The following XPR1 variants were observed in gnomAD, a reference collection of about 807,000 sequenced individuals.
The protein encoded by XPR1 is xenotropic and polytropic retrovirus receptor 1.
XPR1 carries 28 observed loss-of-function variants against 87.5 expected under a neutral mutation model. The observed-to-expected ratio is 0.32, with a 90% CI of 0.24 to 0.44. The LOEUF is 0.44. XPR1 is among the 20% of genes least tolerant of loss of function. The pLI, the probability that XPR1 is intolerant of heterozygous loss-of-function variation, is 1.00. For synonymous variants in XPR1, 300 were observed against 306.1 expected, an observed-to-expected ratio of 0.98 and a Z score of 0.21; for missense variants, 559 against 862.3, an observed-to-expected ratio of 0.65 and a Z score of 4.41.
At chr1:180,812,475 A>C (rs1171486845) in intron 7 of XPR1, among the ~76,000 whole-genome samples, 1 of 152,198 alleles carries the variant, frequency 6.6e-6, no homozygotes, top group South Asian at 2.1e-4. Context: ...ATGCTCTTCT[A>C]TCTGGCATCA....
chr1:180,866,714 C>T (rs548232164), intron 12 of XPR1, among the ~76,000 whole-genome samples: 40 of 151,938 alleles, frequency 2.6e-4, no homozygotes, highest in African/African-American at 9.4e-4. Context: ...TAATAATCCT[C>T]ATTAAATTTA....
intron 1 of XPR1, among the ~76,000 whole-genome samples, chr1:180,652,228 G>A (rs1655319699): frequency 6.6e-6 from 1 of 152,086 alleles, no homozygotes; most frequent in Non-Finnish European, 1.5e-5. Context: ...GGAGGCGGAG[G>A]TTGCAGTGAG....
chr1:180,650,299 G>A (rs1005106314), intron 1 of XPR1, among the ~76,000 whole-genome samples: 3 of 151,964 alleles, frequency 2.0e-5, no homozygotes, highest in South Asian at 4.2e-4. Flanking sequence ...GCAGTGGCAC[G>A]ATCATAGCTT....
At chr1:180,833,777 C>A (rs756207886) in intron 9 of XPR1, among the ~76,000 whole-genome samples, 13 of 152,148 alleles carry the variant, frequency 8.5e-5, no homozygotes, top group Non-Finnish European at 1.6e-4. Flanking sequence ...TAAAATATTT[C>A]TCTCCAAATC....
intron 2 of XPR1, among the ~76,000 whole-genome samples, chr1:180,787,539 G>A (rs1208010320): frequency 2.0e-5 from 3 of 152,038 alleles, no homozygotes; most frequent in African/African-American, 4.8e-5. Flanking sequence ...TCGGCCTCCC[G>A]AAGTACTGGG....
intron 2 of XPR1, among the ~76,000 whole-genome samples, chr1:180,706,673 A>T (rs1027377897): frequency 6.6e-6 from 1 of 151,712 alleles, no homozygotes; most frequent in Admixed American, 6.6e-5. Flanking sequence ...GTGCAGTGGC[A>T]TGATCTCTGC....
chr1:180,847,004 G>A (rs1031337251), intron 11 of XPR1, among the ~76,000 whole-genome samples: 13 of 152,132 alleles, frequency 8.5e-5, no homozygotes, highest in South Asian at 4.1e-4. Context: ...AGTTGCTTCT[G>A]AATAATACCC....
chr1:180,806,653 A>G lies in XPR1; in HGVS notation c.681+96A>G. The G allele has an allele frequency of 3.7e-6, 4 of 1,078,804 alleles. No individual in the cohort carries two copies. In the South Asian group the frequency reaches 5.4e-5, roughly 15 times the overall value. 66.8% of individuals were successfully genotyped at this position (1,078,804 alleles called of 1,614,324 possible). ...CATTATCTTAAAAAAATTTTCAGCC[A>G]AAGTTTATAAGTAGTTGCTATTTTT... On this transcript the variant is annotated intron_variant, in intron 6 of 14. Coordinates refer to ENST00000367590, the MANE Select transcript of XPR1 (RefSeq NM_004736.4).
At chr1:180,691,457 A>T (rs1223156177) in intron 2 of XPR1, among the ~76,000 whole-genome samples, 3 of 152,180 alleles carry the variant, frequency 2.0e-5, no homozygotes, top group African/African-American at 7.2e-5. Context: ...TGGAGAGTGT[A>T]CATAGCTAAT....
At chr1:180,720,284 A>G (rs1658138072) in intron 2 of XPR1, among the ~76,000 whole-genome samples, 1 of 152,204 alleles carries the variant, frequency 6.6e-6, no homozygotes, top group Non-Finnish European at 1.5e-5. Flanking sequence ...TGGCAAATGT[A>G]ATAATATATT....
chr1:180,888,818 G>A lies in XPR1; in HGVS notation c.*4752G>A, dbSNP rs1653097806. 2 of 152,194 alleles carry A rather than the reference G, an allele frequency of 1.3e-5. No individual in the cohort carries two copies. Among genetic ancestry groups the A allele is most frequent in the East Asian group, 3.9e-4 (2 of 5,194 alleles). 9.4% of individuals were successfully genotyped at this position (152,194 alleles called of 1,614,324 possible). On this transcript the variant is annotated 3_prime_UTR_variant, in exon 15 of 15. Transcript: ENST00000367590. ...ACAATGTTAGAGCACATGGTAATGT[G>A]GGACAGAGTTGATTATATGATAGCA...
chr1:180,845,896 T>A (rs1651664760), intron 11 of XPR1, among the ~76,000 whole-genome samples: 2 of 152,212 alleles, frequency 1.3e-5, no homozygotes, highest in African/African-American at 2.4e-5. Flanking sequence ...ATTAATGTTG[T>A]TTCAAGTGAT....
intron 9 of XPR1, among the ~76,000 whole-genome samples, chr1:180,827,301 T>C (rs534386887): frequency 6.6e-6 from 1 of 152,276 alleles, no homozygotes; most frequent in South Asian, 2.1e-4. Context: ...TAAAATTATT[T>C]TTAAATGAGA....
intron 9 of XPR1, among the ~76,000 whole-genome samples, chr1:180,827,562 A>G (rs960737041): frequency 3.3e-5 from 5 of 152,188 alleles, no homozygotes; most frequent in Non-Finnish European, 5.9e-5. Context: ...TAGGTTGACA[A>G]TGGTATAAGC....
chr1:180,877,181 G>A (rs758095542), intron 13 of XPR1, among the ~76,000 whole-genome samples: 9 of 152,138 alleles, frequency 5.9e-5, no homozygotes, highest in Non-Finnish European at 8.8e-5. Flanking sequence ...CGACAAGCCA[G>A]TTCTGTAATT....
At chr1:180,736,183 G>T (rs1217446961) in intron 2 of XPR1, among the ~76,000 whole-genome samples, 3 of 152,176 alleles carry the variant, frequency 2.0e-5, no homozygotes, top group African/African-American at 7.2e-5. Context: ...GATACTTGAA[G>T]GTTGAATTAA....
intron 11 of XPR1, among the ~76,000 whole-genome samples, chr1:180,863,028 C>A (rs953373343): frequency 1.3e-5 from 2 of 152,060 alleles, no homozygotes; most frequent in Non-Finnish European, 2.9e-5. Flanking sequence ...TAAGTATTTT[C>A]AGCATAAAGC....
chr1:180,755,758 T>G (rs1647713533), intron 2 of XPR1, among the ~76,000 whole-genome samples: 1 of 152,174 alleles, frequency 6.6e-6, no homozygotes, highest in Admixed American at 6.5e-5. Context: ...CTGATGAAGG[T>G]TTGTAGTTTT....
At chr1:180,704,814 G>T (rs74135809) in intron 2 of XPR1, among the ~76,000 whole-genome samples, 1,809 of 52,196 alleles carry the variant, frequency 0.035, 95 homozygotes, top group African/African-American at 0.11. Context: ...ACTGTTGGTT[G>T]TTTTTTTTTT....
Sources: gnomAD v4.1 joint callset for allele counts (sites outside exome capture counted in the v4.1 genomes callset) on GRCh38, gnomAD v4.1.1 for gene constraint, MANE v1.5 for transcripts, NCBI Gene and HGNC (gene_info 2026-07-23, HGNC 2026-07-21) for gene names.